FBN2: variants seen among roughly 807,000 people sequenced by gnomAD.
The protein encoded by FBN2 is fibrillin-2.
A neutral mutation model predicts 355.6 loss-of-function variants in FBN2; 105 were observed. The ratio of observed to expected loss-of-function variants is 0.30; its 90% CI spans 0.25 to 0.35. The LOEUF (loss-of-function observed/expected upper bound fraction) is 0.35. FBN2 is among the 10% of genes least tolerant of loss of function. The pLI is 1.00. For missense variants in FBN2, 3,280 were observed against 3,758.7 expected, an observed-to-expected ratio of 0.87 and a Z score of 3.33; for synonymous variants, 1,350 against 1,301.2, an observed-to-expected ratio of 1.04 and a Z score of -0.81.
intron 7 of FBN2, among the ~76,000 whole-genome samples, chr5:128,429,072 G>C (rs1028771544): frequency 6.6e-6 from 1 of 152,204 alleles, no homozygotes; most frequent in Non-Finnish European, 1.5e-5. Context: ...TCACCTGGCA[G>C]ATGGGAAACT....
intron 14 of FBN2, among the ~76,000 whole-genome samples, chr5:128,375,435 A>ATGACAATT (rs1288622265): frequency 6.6e-6 from 1 of 152,182 alleles, no homozygotes; most frequent in African/African-American, 2.4e-5. Context: ...CTGAAGCATA[A>ATGACAATT]TGACAATTTC....
chr5:128,451,020 C>T (rs540974414), intron 6 of FBN2, among the ~76,000 whole-genome samples: 72 of 152,160 alleles, frequency 4.7e-4, no homozygotes, highest in Middle Eastern at 3.5e-3. Context: ...GTTTATTTAA[C>T]GAGAATAAAA....
intron 7 of FBN2, 141 bp downstream of exon 7, chr5:128,446,340 T>A (rs7356632): frequency 7.0e-5 from 60 of 852,036 alleles, no homozygotes; most frequent in Non-Finnish European, 9.8e-5. Context: ...AACACAGAAC[T>A]ACTCTAGGCT....
chr5:128,319,447 A>G (rs1486385980), intron 34 of FBN2, among the ~76,000 whole-genome samples: 1 of 150,284 alleles, frequency 6.7e-6, no homozygotes, highest in Non-Finnish European at 1.5e-5. Flanking sequence ...CATTTTAAAT[A>G]TTGGAGATAT....
rs528939018 is a variant in FBN2 at position 128,281,573 on chromosome 5, T to A, written c.7013-1256A>T. Among the ~76,000 whole-genome samples the A allele has an allele frequency of 2.6e-5, 4 of 152,322 alleles. No individual in the cohort carries two copies. The East Asian group carries it at 7.7e-4, about 29-fold the overall frequency. On this transcript the variant is annotated intron_variant, in intron 55 of 64. Transcript: ENST00000262464. ...TTAGATTTTTAGTGTGCCATCAGCA[T>A]CTGTTTAAATTAATGAGGCTTACTG...
chr5:128,436,495 T>C (rs1181375241), intron 7 of FBN2, among the ~76,000 whole-genome samples: 1 of 152,120 alleles, frequency 6.6e-6, no homozygotes, highest in Admixed American at 6.6e-5. Flanking sequence ...CATAAATGTA[T>C]CATAAAAAGC....
Position 128,419,845 on chromosome 5 carries a change from G to A in FBN2, c.953-11046C>T, listed in dbSNP as rs145102220. Reference sequence around the variant, plus strand: ...GTACTAGCTTGGATTACAGGCATGCGCCACCATGCCTGGCTAATTTTGTAT... The same window carrying A: ...GTACTAGCTTGGATTACAGGCATGCACCACCATGCCTGGCTAATTTTGTAT... On this transcript the variant is annotated intron_variant, in intron 7 of 64. Coordinates refer to ENST00000262464, the MANE Select transcript of FBN2 (RefSeq NM_001999.4). Among the ~76,000 whole-genome samples the A allele has an allele frequency of 6.5e-3, 982 of 152,012 alleles. 11 individuals carry two copies. Among genetic ancestry groups the A allele is most frequent in the African/African-American group, 0.022 (916 of 41,486 alleles).
At position 128,511,531 on chromosome 5, in the gene FBN2, T is replaced by C. The variant is rs555306754; in HGVS notation, c.628+7742A>G. The stretch of plus-strand genomic sequence containing the variant: ...AATCCCCCATGTTTATGCAGTCACA[T>C]GTATGATGCGTCTTCCATTATGCTG... On this transcript the variant is annotated intron_variant, in intron 5 of 64. Transcript: ENST00000262464. Among the ~76,000 whole-genome samples the C allele has an allele frequency of 6.6e-5, 10 of 152,326 alleles. No individual in the cohort carries two copies. In the South Asian group the frequency reaches 2.1e-3, roughly 32 times the overall value.
chr5:128,443,891 AAACATT>A (rs1220807459), intron 7 of FBN2, among the ~76,000 whole-genome samples: 1 of 152,138 alleles, frequency 6.6e-6, no homozygotes, highest in African/African-American at 2.4e-5. Flanking sequence ...TATTTAGAGC[AAACATT>A]ACATTTATGG....
chr5:128,290,969 C>A (rs1205911510), intron 49 of FBN2, 85 bp from the exon 50 acceptor site: 2 of 1,277,014 alleles, frequency 1.6e-6, no homozygotes, highest in East Asian at 2.4e-5. Context: ...ACACGGGATG[C>A]AGACTAGATC....
At chr5:128,294,722 T>C (rs1326198870) in intron 48 of FBN2, among the ~76,000 whole-genome samples, 3 of 151,188 alleles carry the variant, frequency 2.0e-5, no homozygotes, top group African/African-American at 7.3e-5. Context: ...GAGTTCATTG[T>C]AGATTCTGGA....
intron 3 of FBN2, among the ~76,000 whole-genome samples, chr5:128,528,438 T>C (rs775696042): frequency 6.6e-6 from 1 of 152,116 alleles, no homozygotes; most frequent in Non-Finnish European, 1.5e-5. Context: ...AAGTAAACTG[T>C]TGTGAAGGAG....
chr5:128,512,744 G>T (rs1028859422), intron 5 of FBN2, among the ~76,000 whole-genome samples: 1 of 151,878 alleles, frequency 6.6e-6, no homozygotes, highest in Admixed American at 6.6e-5. Flanking sequence ...TAAATAGGTC[G>T]CAACATTCTT....
intron 5 of FBN2, among the ~76,000 whole-genome samples, chr5:128,466,660 G>C (rs1318963913): frequency 2.0e-5 from 3 of 152,164 alleles, no homozygotes; most frequent in African/African-American, 7.2e-5. Context: ...ATCGAGAATA[G>C]GTAATTTCTT....
At chr5:128,516,650 T>A (rs1334591802) in intron 5 of FBN2, among the ~76,000 whole-genome samples, 1 of 152,170 alleles carries the variant, frequency 6.6e-6, no homozygotes, top group Non-Finnish European at 1.5e-5. Context: ...AACAAATATC[T>A]CTGATTTTAC....
chr5:128,470,397 T>C (rs1754827710), intron 5 of FBN2, among the ~76,000 whole-genome samples: 1 of 152,160 alleles, frequency 6.6e-6, no homozygotes, highest in Non-Finnish European at 1.5e-5. Context: ...CAGACAACCT[T>C]TGGAGAAGTT....
At chr5:128,339,465 T>C (rs1040395070) in intron 25 of FBN2, among the ~76,000 whole-genome samples, 9 of 151,774 alleles carry the variant, frequency 5.9e-5, no homozygotes, top group African/African-American at 1.5e-4. Flanking sequence ...AAAAAAATTA[T>C]TGGGGAGGCT....
At chr5:128,259,927 G>T in intron 64 of FBN2, 98 bp from the exon 65 acceptor site, 1 of 1,295,842 alleles carries the variant, frequency 7.7e-7, no homozygotes, top group Non-Finnish European at 1.1e-6. Flanking sequence ...ACGAGGACAG[G>T]CTGTGGCTTC....
chr5:128,523,912 A>G (rs920307708), intron 4 of FBN2, among the ~76,000 whole-genome samples: 1 of 151,950 alleles, frequency 6.6e-6, no homozygotes, highest in Non-Finnish European at 1.5e-5. Flanking sequence ...AGCCTCCTAC[A>G]TGGCCCTTTC....
Sources: allele counts gnomAD v4.1 joint callset (sites outside exome capture counted in the v4.1 genomes callset), GRCh38; gene constraint gnomAD v4.1.1; transcripts MANE v1.5; gene names NCBI Gene and HGNC (gene_info 2026-07-23, HGNC 2026-07-21).